FAM118A: variants seen among roughly 807,000 people sequenced by gnomAD.
The protein encoded by FAM118A is SIR2 antiphage like 2.
In FAM118A, 25 loss-of-function variants were observed where a neutral mutation model predicts 38.2. The observed-to-expected ratio is 0.65, with a 90% CI of 0.48 to 0.91. The LOEUF (loss-of-function observed/expected upper bound fraction) is 0.91. FAM118A is among the 40% of genes least tolerant of loss of function. FAM118A has a pLI of 0.00. For synonymous variants in FAM118A, 178 were observed against 184.1 expected (o/e 0.97, Z 0.27); for missense variants, 425 against 463.3 (o/e 0.92, Z 0.76).
chr22:45,310,628 G>T (rs1220936683), intron 1 of FAM118A, among the ~76,000 whole-genome samples: 1 of 152,162 alleles, frequency 6.6e-6, no homozygotes, highest in East Asian at 1.9e-4. Context: ...TCTCCAACTT[G>T]AGGTCCCTGG....
intron 5 of FAM118A, 73 bp from the exon 6 acceptor site, chr22:45,332,352 A>G (rs938787393): frequency 6.7e-7 from 1 of 1,492,986 alleles, no homozygotes; most frequent in Non-Finnish European, 9.1e-7. Flanking sequence ...AAGCACACAC[A>G]TGTGACTTGG....
intron 1 of FAM118A, among the ~76,000 whole-genome samples, chr22:45,318,002 C>G (rs2084682960): frequency 6.6e-6 from 1 of 152,222 alleles, no homozygotes; most frequent in South Asian, 2.1e-4. Flanking sequence ...CATTAACATC[C>G]TACCACGGTA....
rs779065900 is a variant in FAM118A at position 45,328,014 on chromosome 22, G to A, written c.473G>A (p.Arg158Gln). ...GACAACCTGCTGGAGGCCTTTGGCC[G>A]GCGGCAGAACAAGCCCATGGAGTCC... ...NYDNLLEAFGRRQNKPMESLD... is the reference protein window; with the variant it reads ...NYDNLLEAFGQRQNKPMESLD... Residue 158 changes from arginine to glutamine, a missense_variant, in exon 4 of 9, where the codon CGG becomes CAG. Coordinates refer to ENST00000441876, the MANE Select transcript of FAM118A (RefSeq NM_017911.4). 3 of 1,609,146 alleles carry A rather than the reference G, an allele frequency of 1.9e-6. No homozygotes were observed. Among genetic ancestry groups the A allele is most frequent in the East Asian group, 2.2e-5 (1 of 44,628 alleles).
chr22:45,331,621 T>C (rs756746503), intron 5 of FAM118A, among the ~76,000 whole-genome samples: 12 of 152,174 alleles, frequency 7.9e-5, no homozygotes, highest in Non-Finnish European at 7.3e-5. Flanking sequence ...TGTCTGTGGA[T>C]TTACCCTCAA....
intron 6 of FAM118A, 71 bp downstream of exon 6, chr22:45,332,781 T>C: frequency 2.0e-6 from 3 of 1,488,952 alleles, no homozygotes; most frequent in Non-Finnish European, 2.7e-6. Context: ...AGTTTTGCTC[T>C]TGTTGCCCAG....
chr22:45,328,561 G>A, intron 4 of FAM118A: 1 of 696,116 alleles, frequency 1.4e-6, no homozygotes, highest in East Asian at 2.7e-5. Context: ...GAGCCCAGGA[G>A]TTCCAGACTG....
chr22:45,323,260 G>A lies in FAM118A; in HGVS notation c.133G>A (p.Gly45Arg), dbSNP rs149680060. The A allele has an allele frequency of 1.2e-4, 187 of 1,614,060 alleles. No individual in the cohort carries two copies. The highest frequency in any genetic ancestry group is 1.3e-4 in the Admixed American group (8 of 60,004). The change falls in exon 3 of 9, where the codon GGA becomes AGA. Residue 45 changes from glycine (G) to arginine (R), a missense_variant. By Grantham distance (125) the Gly-to-Arg change is moderately radical (BLOSUM62 -2). Transcript: ENST00000441876. The part of the protein sequence containing the change: ...GTGVSAAVAP[G>R]IPALCSWRSC... ...TGGCGTCAGCGCAGCAGTGGCCCCC[G>A]GAATCCCTGCCCTTTGCTCGTGGAG...
At chr22:45,309,010 A>C (rs1034577465), upstream of FAM118A, 9 of 152,356 alleles carry the variant, frequency 5.9e-5, no homozygotes, top group Admixed American at 5.9e-4. Flanking sequence ...ACAAAGGAGG[A>C]GTAATAAGAT....
At chr22:45,336,751 A>G (rs1351013746) in intron 8 of FAM118A, among the ~76,000 whole-genome samples, 1 of 152,220 alleles carries the variant, frequency 6.6e-6, no homozygotes. Context: ...TCAGCTCCGC[A>G]TTTTTGCGAA....
At chr22:45,330,409 C>T (rs983824266) in intron 4 of FAM118A, 194 bp from the exon 5 acceptor site, 30 of 459,704 alleles carry the variant, frequency 6.5e-5, no homozygotes, top group South Asian at 8.3e-5. Flanking sequence ...ACTGTACCGT[C>T]GTAGGACGGG....
At chr22:45,315,221 G>A (rs1259080642) in intron 1 of FAM118A, among the ~76,000 whole-genome samples, 1 of 152,160 alleles carries the variant, frequency 6.6e-6, no homozygotes, top group Non-Finnish European at 1.5e-5. Context: ...TGGTGGGACT[G>A]GTTTCAGGAA....
intron 7 of FAM118A, among the ~76,000 whole-genome samples, chr22:45,335,766 C>T (rs1367417896): frequency 6.6e-6 from 1 of 152,244 alleles, no homozygotes; most frequent in East Asian, 1.9e-4. Flanking sequence ...TGAGCTTGCA[C>T]ACAGAAGCTT....
At chr22:45,325,963 T>C (rs2085235024) in intron 3 of FAM118A, among the ~76,000 whole-genome samples, 1 of 151,924 alleles carries the variant, frequency 6.6e-6, no homozygotes, top group Non-Finnish European at 1.5e-5. Flanking sequence ...GCAGACCCCC[T>C]GGGAACAGTG....
In FAM118A at chr22:45,327,654, G is replaced by A. The variant is rs995591569; in HGVS notation, c.301-188G>A. On this transcript the variant is annotated intron_variant, in intron 3 of 8. Coordinates refer to ENST00000441876, the MANE Select transcript of FAM118A (RefSeq NM_017911.4). ...CTCTGCCGTGCTTTCCTGTGGCAGC[G>A]TCACCGGTGGCGTGCTACACGTGAG... Among the ~76,000 whole-genome samples the A allele has an allele frequency of 5.3e-5, 8 of 152,300 alleles. No homozygotes were observed. In the East Asian group the frequency reaches 1.2e-3, roughly 22 times the overall value.
intron 2 of FAM118A, among the ~76,000 whole-genome samples, 161 bp from the exon 3 acceptor site, chr22:45,323,014 G>A (rs1302819789): frequency 1.3e-5 from 2 of 150,402 alleles, no homozygotes; most frequent in African/African-American, 2.5e-5. Context: ...GGATACACAG[G>A]CCGTCTCCCC....
At chr22:45,331,924 G>A (rs774296644) in intron 5 of FAM118A, among the ~76,000 whole-genome samples, 15 of 151,806 alleles carry the variant, frequency 9.9e-5, no homozygotes, top group Admixed American at 6.6e-5. Context: ...GCCCTCATTC[G>A]CAAAACCACC....
chr22:45,337,850 C>T (rs1306220433), intron 8 of FAM118A: 2 of 985,346 alleles, frequency 2.0e-6, no homozygotes, highest in Non-Finnish European at 2.4e-6. Context: ...GTGCCATCCT[C>T]ATGCTCGCGG....
chr22:45,313,412 T>G (rs2084466150), intron 1 of FAM118A, among the ~76,000 whole-genome samples: 1 of 146,470 alleles, frequency 6.8e-6, no homozygotes, highest in South Asian at 2.2e-4. Context: ...AACCTCTGCC[T>G]CCCAGATTCA....
At chr22:45,321,757 A>C (rs2084893444) in intron 1 of FAM118A, 1 of 156,210 alleles carries the variant, frequency 6.4e-6, no homozygotes, top group Admixed American at 6.2e-5. Flanking sequence ...TTGGTGAAAG[A>C]GACCCAGATG....
Sources: gnomAD v4.1 joint callset for allele counts (sites outside exome capture counted in the v4.1 genomes callset) on GRCh38, gnomAD v4.1.1 for gene constraint, MANE v1.5 for transcripts, NCBI Gene and HGNC (gene_info 2026-07-23, HGNC 2026-07-21) for gene names.